TSHZ3: variants seen among roughly 807,000 people sequenced by gnomAD.
TSHZ3 encodes the protein teashirt homolog 3.
TSHZ3 carries 10 observed loss-of-function variants against 64.5 expected under a neutral mutation model. That is an observed-to-expected ratio of 0.16 (90% CI 0.10 to 0.26). The LOEUF (loss-of-function observed/expected upper bound fraction) is 0.26, where lower values mean the gene tolerates loss of function less well. TSHZ3 is among the 10% of genes least tolerant of loss of function. The probability of loss-of-function intolerance (pLI) is 1.00; values close to 1 mark genes in which losing one functional copy is unlikely to be tolerated. For synonymous variants in TSHZ3, 608 were observed against 593.1 expected (o/e 1.03, Z -0.36); for missense variants, 1,242 against 1,421.7 (o/e 0.87, Z 2.03).
Position 31,322,428 on chromosome 19 carries a change from A to AT in TSHZ3, c.40+26751dup, listed in dbSNP as rs113519090. Among the ~76,000 whole-genome samples, 20 of 148,650 alleles carry AT rather than the reference A, an allele frequency of 1.3e-4. 1 individual carries two copies. In the South Asian group the frequency reaches 1.7e-3, roughly 13 times the overall value. On this transcript the variant is annotated intron_variant, in intron 1 of 1. Coordinates refer to ENST00000240587, the MANE Select transcript of TSHZ3 (RefSeq NM_020856.4). ...CCCCCGTGCCTAGCCTTATGTATGTATTTTTTTTTAGAGACTAGGTCTCAC... is the reference window on the plus strand; with the variant it reads ...CCCCCGTGCCTAGCCTTATGTATGTATTTTTTTTTTAGAGACTAGGTCTCAC...
intron 3 of TSHZ3, among the ~76,000 whole-genome samples, chr19:31,236,248 C>A (rs1975612747): frequency 6.6e-6 from 1 of 152,198 alleles, no homozygotes; most frequent in African/African-American, 2.4e-5. Context: ...CATTTACATT[C>A]ACACCAACGG....
At chr19:31,204,912 A>C (rs544141265) in intron 5 of TSHZ3, 25 of 152,364 alleles carry the variant, frequency 1.6e-4, no homozygotes, top group African/African-American at 6.0e-4. Flanking sequence ...ACAGCCCCAT[A>C]GGCACTCAGT....
intron 5 of TSHZ3, among the ~76,000 whole-genome samples, chr19:31,169,966 G>A (rs1410243877): frequency 6.6e-6 from 1 of 152,162 alleles, no homozygotes; most frequent in Non-Finnish European, 1.5e-5. Context: ...GCCACAGACA[G>A]CAGTCAGCTG....
At position 31,232,291 on chromosome 19, in the gene TSHZ3, A is replaced by AT. The variant is rs879809837; in HGVS notation, n.551-4152_551-4151insA. ...ATGAGTAATTGCTGGCTGAAAAAAA[A>AT]GTCAATGAATAAATGAACGCTTTTT... On this transcript the variant is annotated intron_variant and non_coding_transcript_variant, in intron 3 of 6. Transcript: ENST00000651361. 3.9e-5 allele frequency among the ~76,000 whole-genome samples: 6 copies of AT among 152,214 alleles called. No homozygotes were observed. The South Asian group carries it at 8.3e-4, about 21-fold the overall frequency.
chr19:31,290,402 G>A (rs1976543104), intron 1 of TSHZ3, among the ~76,000 whole-genome samples: 1 of 152,072 alleles, frequency 6.6e-6, no homozygotes, highest in Non-Finnish European at 1.5e-5. Context: ...AGATGGCAGG[G>A]GGAAGTGTGG....
intron 5 of TSHZ3, among the ~76,000 whole-genome samples, chr19:31,158,613 C>T (rs79786175): frequency 0.017 from 2,546 of 152,206 alleles, 30 homozygotes; most frequent in African/African-American, 0.02. Flanking sequence ...TTCAAAAATA[C>T]TATATTTATT....
In TSHZ3 at chr19:31,224,944, T is replaced by C. The variant is rs1023097934; in HGVS notation, n.686+3061A>G. Among the ~76,000 whole-genome samples, 5 of 152,338 alleles carry C rather than the reference T, an allele frequency of 3.3e-5. No homozygotes were observed. In the South Asian group the frequency reaches 1.0e-3, roughly 32 times the overall value. On this transcript the variant is annotated intron_variant and non_coding_transcript_variant, in intron 4 of 6. Transcript: ENST00000651361. ...GAACACACAAAGGCTTCAGCTTTTATGTACGGCCTAGAAGCCCCAGGGCCC... is the reference window on the plus strand; with the variant it reads ...GAACACACAAAGGCTTCAGCTTTTACGTACGGCCTAGAAGCCCCAGGGCCC...
intron 3 of TSHZ3, among the ~76,000 whole-genome samples, chr19:31,241,254 A>C (rs1265577543): frequency 1.3e-5 from 2 of 152,206 alleles, no homozygotes; most frequent in Admixed American, 6.5e-5. Context: ...GTATTTCCCA[A>C]GCCCCTCTAA....
chr19:31,277,589 T>C lies in TSHZ3; in HGVS notation c.2204A>G (p.Lys735Arg). Residue 735 changes from lysine (K) to arginine (R), a missense_variant, in exon 2 of 2, where the codon AAG becomes AGG. This residue lies in a region of TSHZ3 where 550 missense variants were observed against 545.1 expected (regional missense o/e 1.01). Coordinates refer to ENST00000240587, the MANE Select transcript of TSHZ3 (RefSeq NM_020856.4). This position sits in a 1 kb window ranked among gnomAD's most constrained non-coding sequence, Gnocchi z 4.5. ...GGCAGGCAGGGAGGGCTTGGCGGCC[T>C]TGCCCAGGTGAATGTTCATGACTGA... is the stretch of plus-strand genomic sequence containing the variant. Reference protein sequence around the residue: ...LQSVMNIHLGKAAKPSLPALD... With the variant: ...LQSVMNIHLGRAAKPSLPALD... The C allele has an allele frequency of 6.3e-7, 1 of 1,594,400 alleles. No homozygotes were observed. Among genetic ancestry groups the C allele is most frequent in the Non-Finnish European group, 8.5e-7 (1 of 1,169,988 alleles).
chr19:31,300,893 A>G (rs961385431), intron 1 of TSHZ3, among the ~76,000 whole-genome samples: 5 of 152,170 alleles, frequency 3.3e-5, no homozygotes, highest in African/African-American at 1.2e-4. Flanking sequence ...ATTGCGGAGC[A>G]CTGACAATAC....
chr19:31,152,298 G>A lies in TSHZ3; in HGVS notation n.872-554C>T, dbSNP rs1479282892. Among the ~76,000 whole-genome samples the A allele has an allele frequency of 3.9e-5, 6 of 151,936 alleles. 1 individual carries two copies. The highest frequency in any genetic ancestry group is 1.5e-4 in the African/African-American group (6 of 41,356). On this transcript the variant is annotated intron_variant and non_coding_transcript_variant, in intron 6 of 6. Coordinates refer to the TSHZ3 transcript ENST00000651361. ...TATATGTGAGCGTGTGTGTGTGTGT[G>A]TGTGTGTGTGCATGTTTATGTGGAA...
At chr19:31,283,220 G>A (rs772127046) in intron 1 of TSHZ3, among the ~76,000 whole-genome samples, 1 of 152,144 alleles carries the variant, frequency 6.6e-6, no homozygotes, top group East Asian at 1.9e-4. Context: ...TGCAGTCCCA[G>A]TTACTCCAGA....
chr19:31,158,121 A>G (rs1402125272), intron 5 of TSHZ3, among the ~76,000 whole-genome samples: 5 of 152,192 alleles, frequency 3.3e-5, no homozygotes, highest in Non-Finnish European at 7.3e-5. Context: ...TGCTAACATC[A>G]CCACTTAAAA....
chr19:31,190,663 C>G (rs1974890936), intron 5 of TSHZ3, among the ~76,000 whole-genome samples: 1 of 151,132 alleles, frequency 6.6e-6, no homozygotes, highest in Non-Finnish European at 1.5e-5. Context: ...ACTAGATATG[C>G]AAAGAAAGAA....
chr19:31,166,069 C>G (rs557996954), intron 5 of TSHZ3, among the ~76,000 whole-genome samples: 5 of 152,154 alleles, frequency 3.3e-5, no homozygotes, highest in African/African-American at 1.2e-4. Flanking sequence ...TTTATTACAG[C>G]GCCAGCAGCT....
At chr19:31,246,682 A>G (rs1975761296) in intron 1 of TSHZ3, among the ~76,000 whole-genome samples, 1 of 152,172 alleles carries the variant, frequency 6.6e-6, no homozygotes, top group Non-Finnish European at 1.5e-5. Context: ...GTTCATATGC[A>G]TACGCACAGA....
chr19:31,347,458 G>GA (rs199774492), intron 1 of TSHZ3, among the ~76,000 whole-genome samples: 6 of 149,824 alleles, frequency 4.0e-5, no homozygotes, highest in South Asian at 2.1e-4. Flanking sequence ...AAAAAGGAAA[G>GA]AAAAAAAAAA....
chr19:31,189,071 A>T (rs1176240682), intron 5 of TSHZ3, among the ~76,000 whole-genome samples: 2 of 151,896 alleles, frequency 1.3e-5, no homozygotes, highest in South Asian at 4.1e-4. Context: ...TGTTCATAGC[A>T]TTCCCTTATT....
chr19:31,236,841 T>C (rs929535033), intron 3 of TSHZ3, among the ~76,000 whole-genome samples: 1 of 152,106 alleles, frequency 6.6e-6, no homozygotes, highest in African/African-American at 2.4e-5. Flanking sequence ...CAAAAAGCTT[T>C]TGTACAGCAA....
Sources: allele counts gnomAD v4.1 joint callset (sites outside exome capture counted in the v4.1 genomes callset), GRCh38; gene constraint gnomAD v4.1.1; regional missense constraint gnomAD v4.1.1; non-coding constraint Gnocchi (gnomAD v3.1); transcripts MANE v1.5; gene names NCBI Gene and HGNC (gene_info 2026-07-23, HGNC 2026-07-21).